The following SPTAN1 variants were observed in gnomAD, a reference collection of about 807,000 sequenced individuals.
SPTAN1 encodes spectrin alpha chain, non-erythrocytic 1.
Under a neutral mutation model 331.3 loss-of-function variants are expected in SPTAN1, and 61 were observed. The observed-to-expected ratio is 0.18, with a 90% confidence interval of 0.15 to 0.23. SPTAN1 has a LOEUF of 0.23. SPTAN1 is among the 10% of genes least tolerant of loss of function. The pLI is 1.00. For synonymous variants in SPTAN1, 1,153 were observed against 1,173.9 expected (o/e 0.98, Z 0.36); for missense variants, 2,043 against 3,147.9 (o/e 0.65, Z 8.40).
In SPTAN1 at chr9:128,625,776, T is replaced by C. The variant is rs1485892769; in HGVS notation, c.6077T>C (p.Phe2026Ser). 3.1e-6 allele frequency: 5 copies of C among 1,614,048 alleles called. No individual in the cohort carries two copies. The highest frequency in any genetic ancestry group is 3.3e-5 in the Admixed American group (2 of 60,022). Residue 2026 changes from phenylalanine (F) to serine (S), a missense_variant, in exon 48 of 57, where the codon TTT becomes TCT. Phe to Ser is a radical substitution (Grantham distance 155). Transcript: ENST00000372739. The surrounding 1 kb of genome is among the most constrained non-coding windows in gnomAD (Gnocchi z 4.1). The stretch of plus-strand genomic sequence containing the variant: ...TTGTCACTCCTTGTTCAGGAAACTT[T>C]TGACGCTGGGCTGCAGGCCTTCCAG... ...VQTLLTKQET[F>S]DAGLQAFQQE...
chr9:128,626,536 G>C lies in SPTAN1; in HGVS notation c.6425G>C (p.Arg2142Pro). Residue 2142 changes from arginine (R) to proline (P), a missense_variant, in exon 49 of 57, where the codon CGC becomes CCC. Coordinates refer to ENST00000372739, the MANE Select transcript of SPTAN1 (RefSeq NM_001130438.3). The part of the protein sequence containing the change: ...KALREAHDAF[R>P]SSLSSAQADF... ...TTGCGCGAGGCCCACGACGCCTTCC[G>C]CTCCTCCCTCAGCTCTGCCCAGGCT... The C allele has an allele frequency of 1.2e-6, 2 of 1,614,142 alleles. No individual in the cohort carries two copies. Among genetic ancestry groups the C allele is most frequent in the Non-Finnish European group, 1.7e-6 (2 of 1,180,038 alleles).
At chr9:128,559,737 T>A (rs1031612841) in intron 1 of SPTAN1, among the ~76,000 whole-genome samples, 1 of 149,388 alleles carries the variant, frequency 6.7e-6, no homozygotes, top group Admixed American at 6.7e-5. Flanking sequence ...TAATTTTGAT[T>A]TTTTTTTTTT....
chr9:128,604,505 G>A, intron 29 of SPTAN1, 88 bp downstream of exon 29: 1 of 1,287,604 alleles, frequency 7.8e-7, no homozygotes, highest in South Asian at 1.3e-5. Flanking sequence ...TGAGATCCTA[G>A]AGCAACTGCT....
intron 31 of SPTAN1, 122 bp from the exon 32 acceptor site, chr9:128,607,482 T>A (rs1319293647): frequency 1.1e-6 from 1 of 869,674 alleles, no homozygotes; most frequent in African/African-American, 1.7e-5. Context: ...CCTCATTCAG[T>A]AGATCAGATT....
intron 29 of SPTAN1, 132 bp downstream of exon 29, chr9:128,604,549 G>C: frequency 1.2e-6 from 1 of 847,204 alleles, no homozygotes; most frequent in Non-Finnish European, 1.9e-6. Context: ...GACATGGGGT[G>C]GGTGCTCAGT....
Position 128,577,521 on chromosome 9 carries a change from C to T in SPTAN1, c.1085+15C>T. On this transcript the variant is annotated intron_variant, in intron 8 of 56. Coordinates refer to ENST00000372739, the MANE Select transcript of SPTAN1 (RefSeq NM_001130438.3). The surrounding 1 kb of genome is among the most constrained non-coding windows in gnomAD (Gnocchi z 4.2). ...GATTCATACAGGTGCAAATAATGCT[C>T]CAGGTCTTAACCAGTATCATTTGGC... 6.2e-7 allele frequency: 1 copy of T among 1,613,052 alleles called. No homozygotes were observed. Among genetic ancestry groups the T allele is most frequent in the South Asian group, 1.1e-5 (1 of 91,038 alleles).
intron 24 of SPTAN1, among the ~76,000 whole-genome samples, chr9:128,594,804 C>CTTTTTTTTTTTTTTTTTTTTTATTT (rs10594067): frequency 9.9e-5 from 9 of 90,556 alleles, no homozygotes; most frequent in Non-Finnish European, 1.7e-4. Context: ...ATGTATGTAG[C>CTTTTTTTTTTTTTTTTTTTTTATTT]TTTTTTTTTT....
Position 128,576,854 on chromosome 9 carries a change from C to T in SPTAN1, c.683C>T (p.Thr228Ile). 1.2e-5 allele frequency: 19 copies of T among 1,614,036 alleles called. No individual in the cohort carries two copies. Among genetic ancestry groups the T allele is most frequent in the Non-Finnish European group, 1.6e-5 (19 of 1,180,034 alleles). Residue 228 changes from threonine (T) to isoleucine (I), a missense_variant, in exon 6 of 57, where the codon ACT (threonine) becomes ATT (isoleucine). Coordinates refer to ENST00000372739, the MANE Select transcript of SPTAN1 (RefSeq NM_001130438.3). ...EQHPEEELIK[T>I]KQDEVNAAWQ... is the part of the protein sequence containing the mutation. ...CACCCTGAGGAGGAACTGATCAAGA[C>T]TAAGCAGGATGAAGTCAATGCAGCC...
At chr9:128,563,386 G>T (rs962974670) in intron 1 of SPTAN1, among the ~76,000 whole-genome samples, 2 of 152,100 alleles carry the variant, frequency 1.3e-5, no homozygotes, top group African/African-American at 4.8e-5. Context: ...CTGCACTCTA[G>T]CCTGGGCAAC....
intron 1 of SPTAN1, among the ~76,000 whole-genome samples, chr9:128,563,024 A>ATATATG (rs1564188712): frequency 3.6e-5 from 5 of 140,610 alleles, no homozygotes; most frequent in African/African-American, 1.4e-4. Flanking sequence ...ATATATATAT[A>ATATATG]TATGTATATA....
rs757354191 is a variant in SPTAN1 at position 128,625,939 on chromosome 9, C to T, written c.6240C>T (p.Arg2080=). The T allele has an allele frequency of 4.5e-5, 72 of 1,614,038 alleles. No individual in the cohort carries two copies. The highest frequency in any genetic ancestry group is 6.1e-5 in the Non-Finnish European group (72 of 1,180,022). The part of the protein sequence containing the change: ...WSQLLANSAA[R]KKKLLEAQSH... ...AGCTTCTGGCCAACTCAGCCGCCCG[C>T]AAGAAGAAGCTTCTGGAGGCTCAGA... The change falls in exon 48 of 57, where the codon CGC becomes CGT. Residue 2080 remains arginine (R), a synonymous_variant. Coordinates refer to ENST00000372739, the MANE Select transcript of SPTAN1 (RefSeq NM_001130438.3). The surrounding 1 kb of genome is among the most constrained non-coding windows in gnomAD (Gnocchi z 4.1).
intron 31 of SPTAN1, among the ~76,000 whole-genome samples, chr9:128,606,301 G>A (rs1589301731): frequency 7.0e-6 from 1 of 143,600 alleles, no homozygotes; most frequent in Non-Finnish European, 1.5e-5. Context: ...ATTTGAACCT[G>A]GAGGCGGAGG....
chr9:128,621,035 C>T (rs964190201), intron 44 of SPTAN1, 123 bp from the exon 45 acceptor site: 1 of 794,522 alleles, frequency 1.3e-6, no homozygotes, highest in Admixed American at 1.9e-5. Context: ...TCCTCTTCCC[C>T]AGCTAGACTG....
Position 128,625,226 on chromosome 9 carries a change from T to G in SPTAN1, c.6069+47T>G. ...GGTTGAAATGTATGCAGATAGCATC[T>G]GTGAGATGACTGGTGGCGTCTTTCA... On this transcript the variant is annotated intron_variant, in intron 47 of 56. Coordinates refer to ENST00000372739, the MANE Select transcript of SPTAN1 (RefSeq NM_001130438.3). This position sits in a 1 kb window ranked among gnomAD's most constrained non-coding sequence, Gnocchi z 4.1. The G allele has an allele frequency of 6.3e-7, 1 of 1,582,054 alleles. No homozygotes were observed. The highest frequency in any genetic ancestry group is 8.7e-7 in the Non-Finnish European group (1 of 1,151,266).
intron 51 of SPTAN1, 77 bp from the exon 52 acceptor site, chr9:128,630,244 T>C: frequency 1.3e-6 from 2 of 1,524,756 alleles, no homozygotes; most frequent in Non-Finnish European, 1.8e-6. Flanking sequence ...GGCATTGCTC[T>C]CTCTGAGAGA....
chr9:128,586,052 C>T (rs994264462), intron 19 of SPTAN1, 87 bp downstream of exon 19: 190 of 1,032,014 alleles, frequency 1.8e-4, no homozygotes, highest in Middle Eastern at 3.4e-4. Flanking sequence ...TAGTGATGCG[C>T]GGGAGGTGTG....
chr9:128,629,860 C>A lies in SPTAN1; in HGVS notation c.6708-461C>A. Reference sequence around the variant, plus strand: ...CATTCCCCCTAGAATGGGGCTCCCTCCCTCAGGAACCTTGCCGGGACACTC... The same window carrying A: ...CATTCCCCCTAGAATGGGGCTCCCTACCTCAGGAACCTTGCCGGGACACTC... On this transcript the variant is annotated intron_variant, in intron 51 of 56. Coordinates refer to ENST00000372739, the MANE Select transcript of SPTAN1 (RefSeq NM_001130438.3). This position sits in a 1 kb window ranked among gnomAD's most constrained non-coding sequence, Gnocchi z 4.9. 1 of 323,646 alleles carries A rather than the reference C, an allele frequency of 3.1e-6. No individual in the cohort carries two copies. The allele number at this position is 323,646 out of a possible 1,614,324, so 20.0% of individuals were successfully genotyped here.
rs1183969463 is a variant in SPTAN1 at position 128,583,150 on chromosome 9, G to A, written c.1880G>A (p.Arg627Gln). The A allele has an allele frequency of 1.2e-6, 2 of 1,614,016 alleles. No homozygotes were observed. Among genetic ancestry groups the A allele is most frequent in the African/African-American group, 1.3e-5 (1 of 74,904 alleles). The change falls in exon 15 of 57, where the codon CGA (arginine) becomes CAA (glutamine). Residue 627 changes from arginine (R) to glutamine (Q), a missense_variant. Around this residue, in one of 12 missense-constraint regions of SPTAN1, gnomAD observed 1,038 missense variants for 1,531.5 expected, o/e 0.68. Coordinates refer to ENST00000372739, the MANE Select transcript of SPTAN1 (RefSeq NM_001130438.3). The stretch of plus-strand genomic sequence containing the variant: ...GCTGAGCTCTCAGCAAACCAGAGCC[G>A]AATTGATGCCTTGGAGAAAGCTGGC... Reference protein sequence around the residue: ...FEAELSANQSRIDALEKAGQK... With the variant: ...FEAELSANQSQIDALEKAGQK...
In SPTAN1 at chr9:128,629,302, G is replaced by A. The variant is rs1168078199; in HGVS notation, c.6708-1019G>A. On this transcript the variant is annotated intron_variant, in intron 51 of 56. Transcript: ENST00000372739. This position sits in a 1 kb window ranked among gnomAD's most constrained non-coding sequence, Gnocchi z 4.9. ...CGCCCTCGGCTGCTTGGGAAGGAGG[G>A]GTCTGTCCTCCCACTGCACCGGCAC... The A allele has an allele frequency of 1.5e-5, 6 of 394,006 alleles. No individual in the cohort carries two copies. Among genetic ancestry groups the A allele is most frequent in the Admixed American group, 8.9e-5 (2 of 22,524 alleles). The allele number at this position is 394,006 out of a possible 1,614,324, so 24.4% of individuals were successfully genotyped here.
Sources: allele counts gnomAD v4.1 joint callset (sites outside exome capture counted in the v4.1 genomes callset), GRCh38; gene constraint gnomAD v4.1.1; regional missense constraint gnomAD v4.1.1; non-coding constraint Gnocchi (gnomAD v3.1); transcripts MANE v1.5; gene names NCBI Gene and HGNC (gene_info 2026-07-23, HGNC 2026-07-21).